Variants in KCNIP4 observed in about 807,000 individuals in gnomAD.
KCNIP4 encodes the protein potassium voltage-gated channel interacting protein 4.
Under a neutral mutation model 34.0 loss-of-function variants are expected in KCNIP4, and 12 were observed. The ratio of observed to expected loss-of-function variants is 0.35; its 90% CI spans 0.23 to 0.57. The LOEUF (loss-of-function observed/expected upper bound fraction) is 0.57, where lower values mean the gene tolerates loss of function less well. KCNIP4 is among the 20% of genes least tolerant of loss of function. KCNIP4 has a pLI of 0.83. For missense variants in KCNIP4, 238 were observed against 311.7 expected, an observed-to-expected ratio of 0.76 and a Z score of 1.78; for synonymous variants, 124 against 102.2, an observed-to-expected ratio of 1.21 and a Z score of -1.29.
At chr4:21,234,642 A>T (rs527440029) in intron 1 of KCNIP4, among the ~76,000 whole-genome samples, 9 of 145,326 alleles carry the variant, frequency 6.2e-5, no homozygotes, top group African/African-American at 1.8e-4. Context: ...ATAACATAAG[A>T]ATATATATAT....
At chr4:21,519,740 G>GCACACAC (rs556963421) in intron 1 of KCNIP4, among the ~76,000 whole-genome samples, 30 of 110,236 alleles carry the variant, frequency 2.7e-4, no homozygotes, top group Non-Finnish European at 4.3e-4. Context: ...GTATATGTAT[G>GCACACAC]ATACACACGT....
At chr4:21,819,391 C>T (rs1361651080) in intron 1 of KCNIP4, among the ~76,000 whole-genome samples, 2 of 152,216 alleles carry the variant, frequency 1.3e-5, no homozygotes, top group African/African-American at 4.8e-5. Context: ...TTGATTTTCA[C>T]TCCCTCAGAG....
intron 1 of KCNIP4, among the ~76,000 whole-genome samples, chr4:21,736,935 G>A: frequency 6.6e-6 from 1 of 152,066 alleles, no homozygotes; most frequent in East Asian, 1.9e-4. Flanking sequence ...AATTAAGATT[G>A]TATCTTAGAC....
chr4:21,528,860 G>A (rs1382641662), intron 1 of KCNIP4, among the ~76,000 whole-genome samples: 1 of 148,852 alleles, frequency 6.7e-6, no homozygotes, highest in East Asian at 2.0e-4. Context: ...AGGAAGGAAG[G>A]AAGGAAGGAA....
chr4:21,604,990 T>C (rs571832186), intron 1 of KCNIP4, among the ~76,000 whole-genome samples: 2 of 152,322 alleles, frequency 1.3e-5, no homozygotes, highest in East Asian at 3.9e-4. Context: ...GTTGTTCCTC[T>C]GGCATTTTCT....
In KCNIP4 at chr4:21,375,222, A is replaced by G. The variant is rs1254875136; in HGVS notation, c.62-492513T>C. The stretch of plus-strand genomic sequence containing the variant: ...TATTGTTTTCATTTACATTCTGTCC[A>G]ACCCTGAGTCTTGTAGTCTAAAAGG... On this transcript the variant is annotated intron_variant, in intron 1 of 8. Coordinates refer to ENST00000382152, the MANE Select transcript of KCNIP4 (RefSeq NM_025221.6). Among the ~76,000 whole-genome samples, 2 of 131,070 alleles carry G rather than the reference A, an allele frequency of 1.5e-5. 1 individual carries two copies. Among genetic ancestry groups the G allele is most frequent in the African/African-American group, 8.7e-5 (2 of 22,968 alleles). 86.0% of individuals were successfully genotyped at this position (131,070 alleles called of 152,430 possible).
rs1712467853 is a variant in KCNIP4 at position 21,697,498 on chromosome 4, T to TAAC, written c.61+251072_61+251073insGTT. 2.0e-6 allele frequency: 3 copies of TAAC among 1,505,414 alleles called. No individual in the cohort carries two copies. The African/African-American group carries it at 4.5e-5, about 22-fold the overall frequency. 93.3% of individuals were successfully genotyped at this position (1,505,414 alleles called of 1,614,324 possible). ...AAGTCTTTGCCAATAATAATAATAA[T>TAAC]AATAATAAAAAGAGAGTCTCTGAGG... On this transcript the variant is annotated intron_variant, in intron 1 of 8. Coordinates refer to ENST00000382152, the MANE Select transcript of KCNIP4 (RefSeq NM_025221.6).
intron 1 of KCNIP4, among the ~76,000 whole-genome samples, chr4:21,442,957 A>G (rs1727617769): frequency 6.6e-6 from 1 of 152,136 alleles, no homozygotes; most frequent in African/African-American, 2.4e-5. Context: ...GATCTTTTCA[A>G]TCTCAGTTAA....
At chr4:21,838,089 C>T (rs1481458154) in intron 1 of KCNIP4, among the ~76,000 whole-genome samples, 3 of 152,068 alleles carry the variant, frequency 2.0e-5, no homozygotes, top group Admixed American at 6.5e-5. Context: ...ATTTCTAATT[C>T]ACATTGCTTA....
chr4:21,774,383 T>G (rs1376993660), intron 1 of KCNIP4, among the ~76,000 whole-genome samples: 1 of 152,196 alleles, frequency 6.6e-6, no homozygotes, highest in Non-Finnish European at 1.5e-5. Flanking sequence ...TTCCTTCATT[T>G]CAACCTAGAA....
intron 1 of KCNIP4, chr4:21,848,116 T>A (rs1393544206): frequency 6.6e-6 from 1 of 152,158 alleles, no homozygotes; most frequent in Non-Finnish European, 1.5e-5. Flanking sequence ...GTTGAACTTC[T>A]CAGCAGCTCA....
Position 21,151,045 on chromosome 4 carries a change from TAGA to T in KCNIP4, c.62-268339_62-268337del, listed in dbSNP as rs1397669050. On this transcript the variant is annotated intron_variant, in intron 1 of 8. Transcript: ENST00000382152. ...GGGAAAAAGAGCCTTTCTATAATAT[TAGA>T]AGATTTATTTAAATAGTTCTAAGGA... 2.0e-5 allele frequency among the ~76,000 whole-genome samples: 3 copies of T among 152,200 alleles called. No individual in the cohort carries two copies. In the South Asian group the frequency reaches 6.2e-4, roughly 32 times the overall value.
intron 1 of KCNIP4, among the ~76,000 whole-genome samples, chr4:21,134,863 G>A (rs999475034): frequency 6.6e-6 from 1 of 152,272 alleles, no homozygotes; most frequent in African/African-American, 2.4e-5. Flanking sequence ...ATAGCCTTCG[G>A]CCATAAACAC....
intron 1 of KCNIP4, among the ~76,000 whole-genome samples, chr4:21,522,107 C>G (rs1463512652): frequency 6.6e-6 from 1 of 152,006 alleles, no homozygotes; most frequent in Admixed American, 6.6e-5. Flanking sequence ...AATAAGTTGA[C>G]AGGTGATTGT....
intron 1 of KCNIP4, among the ~76,000 whole-genome samples, chr4:21,326,307 C>T (rs984475892): frequency 3.6e-4 from 49 of 137,904 alleles, no homozygotes; most frequent in Non-Finnish European, 6.6e-4. Flanking sequence ...TATATATATA[C>T]ATATACGCAC....
In KCNIP4 at chr4:21,519,679, T is replaced by C. The variant is rs946317927; in HGVS notation, c.61+428892A>G. ...GTGTATATATACACGTGTGTGTATG[T>C]ATGTGTATATACACACGTGTGTGTA... On this transcript the variant is annotated intron_variant, in intron 1 of 8. Transcript: ENST00000382152. Among the ~76,000 whole-genome samples the C allele has an allele frequency of 3.4e-5, 5 of 145,212 alleles. No homozygotes were observed. The East Asian group carries it at 8.7e-4, about 25-fold the overall frequency.
chr4:20,820,422 C>G (rs1716960656), intron 3 of KCNIP4, among the ~76,000 whole-genome samples: 1 of 152,144 alleles, frequency 6.6e-6, no homozygotes, highest in South Asian at 2.1e-4. Flanking sequence ...AACAGCTTCT[C>G]TTGACTGCGT....
intron 1 of KCNIP4, among the ~76,000 whole-genome samples, chr4:21,904,079 C>T (rs1022224011): frequency 9.2e-5 from 14 of 152,026 alleles, no homozygotes; most frequent in Non-Finnish European, 1.8e-4. Flanking sequence ...AGACTGGAAA[C>T]AGAAAGGGCC....
At chr4:21,886,484 C>T (rs1384151293) in intron 1 of KCNIP4, among the ~76,000 whole-genome samples, 8 of 152,014 alleles carry the variant, frequency 5.3e-5, no homozygotes, top group Admixed American at 2.0e-4. Flanking sequence ...CAACACTTAA[C>T]CCTAATGTAT....
Sources: gnomAD v4.1 joint callset for allele counts (sites outside exome capture counted in the v4.1 genomes callset) on GRCh38, gnomAD v4.1.1 for gene constraint, MANE v1.5 for transcripts, NCBI Gene and HGNC (gene_info 2026-07-23, HGNC 2026-07-21) for gene names.